RAMP1: variants seen among roughly 807,000 people sequenced by gnomAD.
The protein encoded by RAMP1 is receptor activity modifying protein 1.
RAMP1 carries 7 observed loss-of-function variants against 8.2 expected under a neutral mutation model. The ratio of observed to expected loss-of-function variants is 0.85; its 90% CI spans 0.49 to 1.60. RAMP1 has a LOEUF of 1.60. Among genes scored for constraint, RAMP1 ranks in the 40% most tolerant of loss-of-function variants. RAMP1 has a pLI of 0.00. For synonymous variants in RAMP1, 92 were observed against 84.7 expected, an observed-to-expected ratio of 1.09 and a Z score of -0.47; for missense variants, 192 against 202.4, an observed-to-expected ratio of 0.95 and a Z score of 0.31.
intron 2 of RAMP1, among the ~76,000 whole-genome samples, chr2:237,881,664 TAGG>T (rs2062369511): frequency 6.6e-6 from 1 of 152,242 alleles, no homozygotes. Flanking sequence ...TTTCTGTACT[TAGG>T]AGTGAATCCG....
intron 2 of RAMP1, among the ~76,000 whole-genome samples, chr2:237,885,703 C>T (rs1559944834): frequency 6.6e-6 from 1 of 152,254 alleles, no homozygotes. Context: ...CCCACCGCCA[C>T]ACCATCGCTC....
rs1472856757 is a variant in RAMP1, at chr2:237,890,924, G to A, written c.191+13562G>A. ...AAAATAGGCCACACTTTGCATCACC[G>A]TGTCTTTTCTCAGTTTTTTTGCTTT... On this transcript the variant is annotated intron_variant, in intron 2 of 2. Transcript: ENST00000254661. 3.3e-5 allele frequency among the ~76,000 whole-genome samples: 5 copies of A among 152,104 alleles called. 1 individual carries two copies. Among genetic ancestry groups the A allele is most frequent in the Admixed American group, 2.0e-4 (3 of 15,268 alleles).
intron 2 of RAMP1, among the ~76,000 whole-genome samples, chr2:237,884,099 A>G (rs1368046729): frequency 6.6e-6 from 1 of 151,764 alleles, no homozygotes; most frequent in Non-Finnish European, 1.5e-5. Context: ...GGATTTTGTC[A>G]GGTTGTCTGT....
rs892765315 is a variant in RAMP1 at position 237,883,553 on chromosome 2, C to T, written c.191+6191C>T. On this transcript the variant is annotated intron_variant, in intron 2 of 2. Coordinates refer to ENST00000254661, the MANE Select transcript of RAMP1 (RefSeq NM_005855.4). The stretch of plus-strand genomic sequence containing the variant: ...CCTCATGGCCTGGTGCAGTGGCTTT[C>T]GCCTGTAATCCCAACACTTTGGGAG... Among the ~76,000 whole-genome samples, 4 of 152,132 alleles carry T rather than the reference C, an allele frequency of 2.6e-5. No individual in the cohort carries two copies. In the East Asian group the frequency reaches 5.8e-4, roughly 22 times the overall value.
At chr2:237,904,977 A>G (rs930604016) in intron 2 of RAMP1, among the ~76,000 whole-genome samples, 7 of 152,240 alleles carry the variant, frequency 4.6e-5, no homozygotes, top group East Asian at 1.9e-4. Flanking sequence ...ACCTGTGAGC[A>G]TCAGTGATCA....
At chr2:237,861,860 A>AG (rs2062135783) in intron 1 of RAMP1, among the ~76,000 whole-genome samples, 2 of 151,936 alleles carry the variant, frequency 1.3e-5, no homozygotes, top group African/African-American at 2.4e-5. Flanking sequence ...TCAAAAAAAA[A>AG]AAAAACTTAG....
intron 2 of RAMP1, among the ~76,000 whole-genome samples, chr2:237,901,665 C>T (rs1021859488): frequency 6.6e-6 from 1 of 152,230 alleles, no homozygotes. Context: ...ATGGTGAGCA[C>T]TGAAGGCGTG....
rs1048150702 is a variant in RAMP1 at position 237,912,057 on chromosome 2, T to C, written c.*274T>C. Reference sequence around the variant, plus strand: ...GTCCCAGCCTAGACTGCTTACCCCATAGCCACATTTGTGGATGAGTGGTTT... The same window carrying C: ...GTCCCAGCCTAGACTGCTTACCCCACAGCCACATTTGTGGATGAGTGGTTT... On this transcript the variant is annotated 3_prime_UTR_variant, in exon 3 of 3. Coordinates refer to ENST00000254661, the MANE Select transcript of RAMP1 (RefSeq NM_005855.4). 8 of 487,914 alleles carry C rather than the reference T, an allele frequency of 1.6e-5. No individual in the cohort carries two copies. Among genetic ancestry groups the C allele is most frequent in the South Asian group, 3.4e-5 (1 of 29,298 alleles). 30.2% of individuals were successfully genotyped at this position (487,914 alleles called of 1,614,324 possible).
At chr2:237,910,424 CAT>C (rs1259298526) in intron 2 of RAMP1, among the ~76,000 whole-genome samples, 5 of 151,826 alleles carry the variant, frequency 3.3e-5, no homozygotes, top group Non-Finnish European at 7.4e-5. Flanking sequence ...CACAGTCACA[CAT>C]AGAATGTCAC....
intron 2 of RAMP1, among the ~76,000 whole-genome samples, chr2:237,905,009 C>T (rs1226135551): frequency 6.6e-6 from 1 of 152,088 alleles, no homozygotes; most frequent in Non-Finnish European, 1.5e-5. Context: ...CAGCAAGTAA[C>T]CATGAACAGT....
intron 2 of RAMP1, among the ~76,000 whole-genome samples, chr2:237,902,599 C>T (rs1383095840): frequency 6.6e-6 from 1 of 152,090 alleles, no homozygotes; most frequent in Non-Finnish European, 1.5e-5. Context: ...CAGTTCCACG[C>T]AGGAGGCCAC....
Position 237,865,621 on chromosome 2 carries a change from G to A in RAMP1, c.52+5894G>A, listed in dbSNP as rs554569897. ...CTTGGATTCTGAGGGGTGATGGTAC[G>A]TAGACAGGAGTCTATGCAAATCAAG... On this transcript the variant is annotated intron_variant, in intron 1 of 2. Transcript: ENST00000254661. The surrounding 1 kb of genome is among the most constrained non-coding windows in gnomAD (Gnocchi z 4.2). Among the ~76,000 whole-genome samples the A allele has an allele frequency of 4.6e-5, 7 of 152,298 alleles. No homozygotes were observed. Among genetic ancestry groups the A allele is most frequent in the East Asian group, 3.9e-4 (2 of 5,178 alleles).
In RAMP1 at chr2:237,905,160, CT is replaced by C. The variant is rs2062639995; in HGVS notation, c.192-6367del. On this transcript the variant is annotated intron_variant, in intron 2 of 2. Transcript: ENST00000254661. Reference sequence around the variant, plus strand: ...GGATAATTACTCAGTGACACGAGAACTGAAACTTTAGGGAGTTAAAGCCAGG... The same window carrying C: ...GGATAATTACTCAGTGACACGAGAACGAAACTTTAGGGAGTTAAAGCCAGG... Among the ~76,000 whole-genome samples, 4 of 152,314 alleles carry C rather than the reference CT, an allele frequency of 2.6e-5. No individual in the cohort carries two copies. In the South Asian group the frequency reaches 8.3e-4, roughly 32 times the overall value.
intron 2 of RAMP1, among the ~76,000 whole-genome samples, chr2:237,890,087 T>C (rs1412119483): frequency 2.0e-5 from 3 of 152,204 alleles, no homozygotes; most frequent in South Asian, 2.1e-4. Flanking sequence ...AAGTGATGAA[T>C]AAGGAAGCTC....
intron 2 of RAMP1, among the ~76,000 whole-genome samples, chr2:237,882,527 A>T (rs2151011749): frequency 6.6e-6 from 1 of 152,114 alleles, no homozygotes; most frequent in African/African-American, 2.4e-5. Flanking sequence ...TTCCCGGCGG[A>T]GGTGGAGGGA....
intron 2 of RAMP1, among the ~76,000 whole-genome samples, chr2:237,907,930 A>G (rs1438904152): frequency 6.6e-6 from 1 of 152,246 alleles, no homozygotes; most frequent in Admixed American, 6.5e-5. Flanking sequence ...TAGTATTTAC[A>G]TATGGAAATG....
chr2:237,877,368 T>TC lies in RAMP1; in HGVS notation c.191+9dup. ...GACTGGGGCAGGACCATCAGGTGAG[T>TC]CCCATGGCCCCTGGTGGGCAGGACA... is the stretch of plus-strand genomic sequence containing the variant. On this transcript the variant is annotated splice_region_variant and intron_variant, in intron 2 of 2. Coordinates refer to ENST00000254661, the MANE Select transcript of RAMP1 (RefSeq NM_005855.4). The surrounding 1 kb of genome is among the most constrained non-coding windows in gnomAD (Gnocchi z 4.4). The TC allele has an allele frequency of 6.2e-7, 1 of 1,609,426 alleles. No homozygotes were observed.
At chr2:237,861,675 C>T (rs1321815231) in intron 1 of RAMP1, among the ~76,000 whole-genome samples, 1 of 151,956 alleles carries the variant, frequency 6.6e-6, no homozygotes, top group African/African-American at 2.4e-5. Context: ...TGGTGAAACC[C>T]CGTCTCTACT....
At chr2:237,860,273 C>T (rs142813946) in intron 1 of RAMP1, among the ~76,000 whole-genome samples, 1 of 152,362 alleles carries the variant, frequency 6.6e-6, no homozygotes, top group African/African-American at 2.4e-5. Flanking sequence ...TTGCAAATCA[C>T]GTCTTTTGCA....
Sources: gnomAD v4.1 joint callset for allele counts (sites outside exome capture counted in the v4.1 genomes callset) on GRCh38, gnomAD v4.1.1 for gene constraint, Gnocchi (gnomAD v3.1) non-coding constraint, MANE v1.5 for transcripts, NCBI Gene and HGNC (gene_info 2026-07-23, HGNC 2026-07-21) for gene names.